Variants in ABCC9 observed in about 807,000 individuals in gnomAD.
ABCC9 encodes ATP-binding cassette sub-family C member 9.
Under a neutral mutation model 188.3 loss-of-function variants are expected in ABCC9, and 95 were observed. The ratio of observed to expected loss-of-function variants is 0.50; its 90% CI spans 0.43 to 0.60. The LOEUF is 0.60. ABCC9 is among the 20% of genes least tolerant of loss of function. The probability of loss-of-function intolerance (pLI) is 0.00; values close to 1 mark genes in which losing one functional copy is unlikely to be tolerated. For missense variants in ABCC9, 1,102 were observed against 1,876.3 expected (o/e 0.59, Z 7.62); for synonymous variants, 659 against 652.7 (o/e 1.01, Z -0.15).
chr12:21,827,149 A>G, intron 31 of ABCC9: 5 of 985,358 alleles, frequency 5.1e-6, no homozygotes, highest in Non-Finnish European at 6.0e-6. Flanking sequence ...ACTAAACTAA[A>G]CAATTTTGAG....
intron 12 of ABCC9, among the ~76,000 whole-genome samples, chr12:21,902,554 G>T (rs1392614248): frequency 3.3e-5 from 5 of 151,942 alleles, no homozygotes; most frequent in Admixed American, 2.6e-4. Flanking sequence ...CCACTAGCAA[G>T]ACTAATGAGA....
At chr12:21,861,821 T>C (rs1430802831) in intron 20 of ABCC9, among the ~76,000 whole-genome samples, 1 of 152,132 alleles carries the variant, frequency 6.6e-6, no homozygotes, top group Non-Finnish European at 1.5e-5. Flanking sequence ...AGGTTCATTA[T>C]GGCTAAAGCA....
intron 2 of ABCC9, among the ~76,000 whole-genome samples, chr12:21,940,354 C>A (rs918123243): frequency 1.3e-5 from 2 of 152,212 alleles, no homozygotes; most frequent in African/African-American, 4.8e-5. Context: ...AGGGCTTTAT[C>A]ATCATCTAGA....
intron 16 of ABCC9, 133 bp downstream of exon 16, chr12:21,882,633 A>T (rs1237795773): frequency 1.5e-5 from 11 of 747,436 alleles, no homozygotes; most frequent in Admixed American, 8.5e-5. Context: ...ATTTTTTTTT[A>T]AATGTTATTA....
At chr12:21,832,290 G>A (rs1026250678) in intron 30 of ABCC9, among the ~76,000 whole-genome samples, 4 of 152,040 alleles carry the variant, frequency 2.6e-5, no homozygotes, top group Admixed American at 6.5e-5. Flanking sequence ...CCCTCAATGC[G>A]GGGGAGGAAA....
chr12:21,918,930 TAAAC>T (rs933656945), intron 5 of ABCC9, among the ~76,000 whole-genome samples: 9 of 152,092 alleles, frequency 5.9e-5, no homozygotes, highest in African/African-American at 1.9e-4. Flanking sequence ...ATTTGGAAAT[TAAAC>T]AACACATTAC....
intron 5 of ABCC9, chr12:21,925,562 AGAG>A: frequency 1.4e-6 from 1 of 701,662 alleles, no homozygotes; most frequent in Non-Finnish European, 2.6e-6. Context: ...ACCTGGAACT[AGAG>A]GAGATGACTT....
chr12:21,924,444 A>G (rs959570221), intron 5 of ABCC9: 6 of 152,136 alleles, frequency 3.9e-5, no homozygotes, highest in African/African-American at 1.2e-4. Context: ...GGTGATTTTC[A>G]TAATGAAATG....
chr12:21,868,861 A>G (rs1418696580), intron 18 of ABCC9, among the ~76,000 whole-genome samples: 1 of 152,208 alleles, frequency 6.6e-6, no homozygotes, highest in Non-Finnish European at 1.5e-5. Flanking sequence ...AGCTTTAATT[A>G]ATAGTTATAT....
chr12:21,807,543 A>G (rs1941942649), intron 37 of ABCC9, 64 bp from the exon 38 acceptor site: 1 of 1,605,714 alleles, frequency 6.2e-7, no homozygotes, highest in Admixed American at 1.7e-5. Flanking sequence ...CCTTGGACAA[A>G]ATCATGAAAA....
rs1942574186 is a variant in ABCC9, at chr12:21,815,759, A to G, written c.4023+4T>C. On this transcript the variant is annotated splice_donor_region_variant and intron_variant, in intron 34 of 39. Transcript: ENST00000261200. ...ACAACATATCAAATGCAGTGATTTC[A>G]TACCTTTTGTCCAGGTTTGATGTAA... 1 of 1,612,516 alleles carries G rather than the reference A, an allele frequency of 6.2e-7. No individual in the cohort carries two copies. The highest frequency in any genetic ancestry group is 8.5e-7 in the Non-Finnish European group (1 of 1,179,234).
Position 21,844,913 on chromosome 12 carries a change from G to A in ABCC9, c.3099C>T (p.Thr1033=). 1 of 1,613,568 alleles carries A rather than the reference G, an allele frequency of 6.2e-7. No individual in the cohort carries two copies. Among genetic ancestry groups the A allele is most frequent in the Non-Finnish European group, 8.5e-7 (1 of 1,179,694 alleles). ...GTATGCTAAAGCCAGCCACATAGTAGGTCTAAAAAGCAACCAACACAAAAA... is the reference window on the plus strand; with the variant it reads ...GTATGCTAAAGCCAGCCACATAGTAAGTCTAAAAAGCAACCAACACAAAAA... ...SINNTGKADQ[T]YYVAGFSILC... The change falls in exon 27 of 40, where the codon ACC becomes ACT. Residue 1033 remains threonine, a splice_region_variant and synonymous_variant. Coordinates refer to ENST00000261200, the MANE Select transcript of ABCC9 (RefSeq NM_020297.4).
At chr12:21,860,546 A>G (rs1945453425) in intron 21 of ABCC9, among the ~76,000 whole-genome samples, 1 of 152,230 alleles carries the variant, frequency 6.6e-6, no homozygotes, top group Admixed American at 6.5e-5. Flanking sequence ...GCTTGTCTGA[A>G]TAATATGACA....
chr12:21,802,138 A>G (rs371609483), intron 39 of ABCC9, among the ~76,000 whole-genome samples: 1 of 152,052 alleles, frequency 6.6e-6, no homozygotes, highest in African/African-American at 2.4e-5. Flanking sequence ...TAGTAGTGCA[A>G]TCTTGAGCAA....
intron 7 of ABCC9, among the ~76,000 whole-genome samples, chr12:21,915,274 A>ATATATATATAATGTG (rs1948504289): frequency 4.5e-4 from 6 of 13,468 alleles, no homozygotes; most frequent in South Asian, 8.3e-3. Flanking sequence ...TATAATGTGT[A>ATATATATATAATGTG]TATATATGTG....
At chr12:21,868,769 G>A (rs1334446502) in intron 18 of ABCC9, among the ~76,000 whole-genome samples, 1 of 152,048 alleles carries the variant, frequency 6.6e-6, no homozygotes, top group African/African-American at 2.4e-5. Context: ...TAAAAAAAAC[G>A]AATTCAGTCT....
intron 4 of ABCC9, 46 bp downstream of exon 4, chr12:21,933,736 A>G (rs2138060008): frequency 1.9e-6 from 3 of 1,592,002 alleles, no homozygotes; most frequent in Non-Finnish European, 2.6e-6. Context: ...TAATCAATAT[A>G]CCCACTGGTA....
chr12:21,935,319 A>C (rs1331783820), intron 3 of ABCC9, among the ~76,000 whole-genome samples: 2 of 152,166 alleles, frequency 1.3e-5, no homozygotes, highest in Non-Finnish European at 2.9e-5. Context: ...ATGTTTCTAC[A>C]TATGGCCATT....
chr12:21,860,767 A>G (rs1252204773), intron 21 of ABCC9, among the ~76,000 whole-genome samples: 1 of 152,200 alleles, frequency 6.6e-6, no homozygotes, highest in East Asian at 1.9e-4. Context: ...CATGTTAAGT[A>G]TACAGTGATT....
Sources: gnomAD v4.1 joint callset for allele counts (sites outside exome capture counted in the v4.1 genomes callset) on GRCh38, gnomAD v4.1.1 for gene constraint, MANE v1.5 for transcripts, NCBI Gene and HGNC (gene_info 2026-07-23, HGNC 2026-07-21) for gene names.